The following PCDHGA11 variants were observed in gnomAD, a reference collection of about 807,000 sequenced individuals.
The protein encoded by PCDHGA11 is protocadherin gamma-A11.
Under a neutral mutation model 60.4 loss-of-function variants are expected in PCDHGA11, and 39 were observed. That is an observed-to-expected ratio of 0.65 (90% CI 0.50 to 0.84). PCDHGA11 has a LOEUF of 0.84. Ranked by LOEUF, PCDHGA11 falls within the 40% of genes least tolerant of loss-of-function variation. The pLI is 0.00. For missense variants in PCDHGA11, 1,165 were observed against 1,197.7 expected (o/e 0.97, Z 0.40); for synonymous variants, 533 against 510.3 (o/e 1.04, Z -0.60).
chr5:141,459,827 A>T (rs779024675), intron 1 of PCDHGA11, among the ~76,000 whole-genome samples: 1 of 152,126 alleles, frequency 6.6e-6, no homozygotes, highest in Non-Finnish European at 1.5e-5. Context: ...GCAACTTTTC[A>T]TGTGTTGTCT....
intron 1 of PCDHGA11, among the ~76,000 whole-genome samples, chr5:141,443,609 T>C (rs2098396115): frequency 1.3e-5 from 2 of 152,260 alleles, no homozygotes; most frequent in African/African-American, 4.8e-5. Flanking sequence ...GAAATGTTCT[T>C]ATAATCAGGT....
intron 1 of PCDHGA11, chr5:141,427,864 A>G: frequency 6.4e-7 from 1 of 1,557,574 alleles, no homozygotes; most frequent in Non-Finnish European, 8.8e-7. Flanking sequence ...TGCGCCTTCG[A>G]GCTCACGATG....
rs1456184444 is a variant in PCDHGA11, at chr5:141,512,578, C to G, written c.*1405C>G. ...ATAGACCTTCTTCTCCCACCCCCTT[C>G]TGCCCCTGGGTCCCCGGCCATCCAG... On this transcript the variant is annotated 3_prime_UTR_variant, in exon 4 of 4. Coordinates refer to ENST00000398587, the MANE Select transcript of PCDHGA11 (RefSeq NM_018914.3). The G allele has an allele frequency of 6.5e-6, 1 of 153,062 alleles. No individual in the cohort carries two copies. The highest frequency in any genetic ancestry group is 1.5e-5 in the Non-Finnish European group (1 of 68,534). 9.5% of individuals were successfully genotyped at this position (153,062 alleles called of 1,614,324 possible). A position where few individuals can be genotyped will look rare whatever the true frequency, so the allele number is the denominator to read the frequency against.
rs2099670287 is a variant in PCDHGA11, at chr5:141,487,983, TC to T, written c.2434-6822del. Among the ~76,000 whole-genome samples, 3 of 152,290 alleles carry T rather than the reference TC, an allele frequency of 2.0e-5. No individual in the cohort carries two copies. The South Asian group carries it at 6.2e-4, about 32-fold the overall frequency. ...CAAAGGTGGCTGTTTTCTCTACTCT[TC>T]CTGAAAGAGGGGATCAGATTCTGAA... On this transcript the variant is annotated intron_variant, in intron 1 of 3. Coordinates refer to ENST00000398587, the MANE Select transcript of PCDHGA11 (RefSeq NM_018914.3). This position sits in a 1 kb window ranked among gnomAD's most constrained non-coding sequence, Gnocchi z 5.0.
intron 2 of PCDHGA11, among the ~76,000 whole-genome samples, chr5:141,497,293 C>T (rs1270907262): frequency 6.6e-6 from 1 of 152,136 alleles, no homozygotes. Flanking sequence ...TACCTACCAC[C>T]ACCCCAGGCC....
At chr5:141,436,691 A>G (rs2097840863) in intron 1 of PCDHGA11, among the ~76,000 whole-genome samples, 1 of 152,226 alleles carries the variant, frequency 6.6e-6, no homozygotes, top group Admixed American at 6.5e-5. Context: ...TATATTTTCA[A>G]TGCCAGCACA....
At chr5:141,470,323 A>G (rs1029928511) in intron 1 of PCDHGA11, among the ~76,000 whole-genome samples, 1 of 152,188 alleles carries the variant, frequency 6.6e-6, no homozygotes, top group Non-Finnish European at 1.5e-5. Context: ...AAATGATCCC[A>G]TAATTTGACC....
In PCDHGA11 at chr5:141,432,112, C is replaced by T; in HGVS notation, c.2433+8452C>T. ...CAGACACCAACGACAACCCGCCGGT[C>T]TTCCCTCAGGCCTCCTATTCCGCTT... On this transcript the variant is annotated intron_variant, in intron 1 of 3. Transcript: ENST00000398587. The surrounding 1 kb of genome is among the most constrained non-coding windows in gnomAD (Gnocchi z 6.0). 1 of 1,614,186 alleles carries T rather than the reference C, an allele frequency of 6.2e-7. No individual in the cohort carries two copies. The highest frequency in any genetic ancestry group is 8.5e-7 in the Non-Finnish European group (1 of 1,180,042).
intron 1 of PCDHGA11, chr5:141,441,799 G>C (rs546770596): frequency 2.6e-6 from 1 of 385,350 alleles, no homozygotes; most frequent in Non-Finnish European, 5.2e-6. Context: ...AACGCACCGC[G>C]GGTGCTGTAC....
At chr5:141,456,701 G>C (rs370086323) in intron 1 of PCDHGA11, among the ~76,000 whole-genome samples, 1 of 151,988 alleles carries the variant, frequency 6.6e-6, no homozygotes. Flanking sequence ...GTGGTGGCTC[G>C]CGCCTGTAAT....
intron 1 of PCDHGA11, among the ~76,000 whole-genome samples, chr5:141,444,838 T>G (rs2098448876): frequency 6.6e-6 from 1 of 152,214 alleles, no homozygotes; most frequent in African/African-American, 2.4e-5. Context: ...AGCTTTATAG[T>G]AAGTCTTGCT....
Position 141,491,458 on chromosome 5 carries a change from G to C in PCDHGA11, c.2434-3349G>C. 1 of 1,614,092 alleles carries C rather than the reference G, an allele frequency of 6.2e-7. No individual in the cohort carries two copies. The highest frequency in any genetic ancestry group is 8.5e-7 in the Non-Finnish European group (1 of 1,180,022). On this transcript the variant is annotated intron_variant, in intron 1 of 3. Coordinates refer to ENST00000398587, the MANE Select transcript of PCDHGA11 (RefSeq NM_018914.3). The surrounding 1 kb of genome is among the most constrained non-coding windows in gnomAD (Gnocchi z 6.9). Reference sequence around the variant, plus strand: ...CAGGCGCCAGGACTCACCCTCCCCGGACTTCTATAAGCAGTCCAGCCCCAA... The same window carrying C: ...CAGGCGCCAGGACTCACCCTCCCCGCACTTCTATAAGCAGTCCAGCCCCAA...
rs1049120602 is a variant in PCDHGA11 at position 141,423,496 on chromosome 5, G to A, written c.2269G>A (p.Glu757Lys). 1.2e-6 allele frequency: 2 copies of A among 1,613,804 alleles called. No homozygotes were observed. Among genetic ancestry groups the A allele is most frequent in the African/African-American group, 1.3e-5 (1 of 74,892 alleles). The stretch of plus-strand genomic sequence containing the variant: ...GGCTTTCCTGCAAACCTATTCCCAC[G>A]AGGTCTCTCTCATTGCGGACTCGCA... ...VQAFLQTYSH[E>K]VSLIADSQKS... Residue 757 changes from glutamate (E) to lysine (K), a missense_variant, in exon 1 of 4, where the codon GAG becomes AAG. Coordinates refer to ENST00000398587, the MANE Select transcript of PCDHGA11 (RefSeq NM_018914.3).
Position 141,485,778 on chromosome 5 carries a change from G to T in PCDHGA11, c.2434-9029G>T. The T allele has an allele frequency of 6.2e-7, 1 of 1,614,216 alleles. No individual in the cohort carries two copies. Among genetic ancestry groups the T allele is most frequent in the Admixed American group, 1.7e-5 (1 of 60,028 alleles). ...CTGCTCCTGGAGAAGCCTTTGGATC[G>T]AGAGAAGCAATCGGACTACCGCCTG... is the stretch of plus-strand genomic sequence containing the variant. On this transcript the variant is annotated intron_variant, in intron 1 of 3. Coordinates refer to ENST00000398587, the MANE Select transcript of PCDHGA11 (RefSeq NM_018914.3). The surrounding 1 kb of genome is among the most constrained non-coding windows in gnomAD (Gnocchi z 5.7).
intron 3 of PCDHGA11, among the ~76,000 whole-genome samples, chr5:141,506,300 T>G (rs2099852124): frequency 6.6e-6 from 1 of 151,976 alleles, no homozygotes; most frequent in East Asian, 1.9e-4. Flanking sequence ...AATACAAAAA[T>G]TAGCTGGGCA....
chr5:141,448,464 T>C lies in PCDHGA11; in HGVS notation c.2433+24804T>C, dbSNP rs186054602. Among the ~76,000 whole-genome samples the C allele has an allele frequency of 2.6e-3, 402 of 152,296 alleles. 10 individuals are homozygous for C. The highest frequency in any genetic ancestry group is 0.023 in the Admixed American group (357 of 15,282). ...CTGACTTCCATCCCTATCCTACTCCTATTCCACCCTTGCTTCCTCCTGTCC... is the reference window on the plus strand; with the variant it reads ...CTGACTTCCATCCCTATCCTACTCCCATTCCACCCTTGCTTCCTCCTGTCC... On this transcript the variant is annotated intron_variant, in intron 1 of 3. Transcript: ENST00000398587.
intron 1 of PCDHGA11, chr5:141,492,005 C>A (rs1444993907): frequency 3.1e-6 from 2 of 642,268 alleles, no homozygotes; most frequent in African/African-American, 3.8e-5. Flanking sequence ...GGGCGATTTC[C>A]GCGGGTGTCG....
At chr5:141,427,599 C>G (rs1233253295) in intron 1 of PCDHGA11, 1 of 682,980 alleles carries the variant, frequency 1.5e-6, no homozygotes, top group African/African-American at 1.8e-5. Flanking sequence ...CCTCACCCTA[C>G]GCATTGGTGA....
intron 1 of PCDHGA11, chr5:141,475,937 C>G (rs970582600): frequency 2.8e-5 from 19 of 676,764 alleles, no homozygotes; most frequent in African/African-American, 1.8e-4. Context: ...GGCCCCTGCC[C>G]GTCCCCTTTC....
Sources: allele counts gnomAD v4.1 joint callset (sites outside exome capture counted in the v4.1 genomes callset), GRCh38; gene constraint gnomAD v4.1.1; non-coding constraint Gnocchi (gnomAD v3.1); transcripts MANE v1.5; gene names NCBI Gene and HGNC (gene_info 2026-07-23, HGNC 2026-07-21).